Variants in CILK1 observed in about 807,000 individuals in gnomAD.
CILK1 encodes serine/threonine-protein kinase ICK.
A neutral mutation model predicts 79.2 loss-of-function variants in CILK1; 47 were observed. The ratio of observed to expected loss-of-function variants is 0.59; its 90% CI spans 0.47 to 0.76. The LOEUF (loss-of-function observed/expected upper bound fraction) is 0.76, where lower values mean the gene tolerates loss of function less well. CILK1 is among the 30% of genes least tolerant of loss of function. CILK1 has a pLI of 0.00. For synonymous variants in CILK1, 266 were observed against 275.9 expected (o/e 0.96, Z 0.36); for missense variants, 660 against 769.5 (o/e 0.86, Z 1.68).
intron 3 of CILK1, among the ~76,000 whole-genome samples, chr6:53,035,300 A>C (rs1174441562): frequency 1.3e-5 from 2 of 152,050 alleles, no homozygotes; most frequent in Non-Finnish European, 2.9e-5. Context: ...TTATAGACTA[A>C]AAAGAATGAG....
chr6:53,020,091 G>A (rs1327703531), intron 5 of CILK1, among the ~76,000 whole-genome samples: 1 of 152,126 alleles, frequency 6.6e-6, no homozygotes, highest in Non-Finnish European at 1.5e-5. Context: ...GGTGTATGTT[G>A]CAACATATGT....
Position 53,038,573 on chromosome 6 carries a change from C to T in CILK1, c.102-580G>A, listed in dbSNP as rs557613286. Among the ~76,000 whole-genome samples, 6 of 152,294 alleles carry T rather than the reference C, an allele frequency of 3.9e-5. No homozygotes were observed. The East Asian group carries it at 1.2e-3, about 29-fold the overall frequency. ...CACCACCATCTGTTTCTGTACAGCC[C>T]ACGAGCTAAGAATGGCATTTACCTT... On this transcript the variant is annotated intron_variant, in intron 2 of 13. Transcript: ENST00000676107.
intron 5 of CILK1, among the ~76,000 whole-genome samples, chr6:53,019,690 G>A (rs941193899): frequency 6.6e-6 from 1 of 151,974 alleles, no homozygotes; most frequent in Non-Finnish European, 1.5e-5. Flanking sequence ...TATCACTGAC[G>A]GCATCTCATT....
intron 12 of CILK1, among the ~76,000 whole-genome samples, chr6:53,008,983 T>C (rs373542057): frequency 1.3e-5 from 2 of 151,920 alleles, no homozygotes; most frequent in East Asian, 3.9e-4. Flanking sequence ...ACAAAAAAAG[T>C]GGGGAGGGTC....
Position 53,003,830 on chromosome 6 carries a change from G to A in CILK1, c.*1319C>T, listed in dbSNP as rs1764067479. 1 of 152,642 alleles carries A rather than the reference G, an allele frequency of 6.6e-6. No homozygotes were observed. The highest frequency in any genetic ancestry group is 2.4e-5 in the African/African-American group (1 of 41,448). 9.5% of individuals were successfully genotyped at this position (152,642 alleles called of 1,614,324 possible). ...CTAGGAGAATATGAATCAATACACT[G>A]TTGAGATTGCATTGCGTTCACTGAT... On this transcript the variant is annotated 3_prime_UTR_variant, in exon 14 of 14. Transcript: ENST00000676107.
intron 5 of CILK1, among the ~76,000 whole-genome samples, chr6:53,023,165 C>A (rs991798540): frequency 1.3e-5 from 2 of 152,086 alleles, no homozygotes. Flanking sequence ...GATCCCCTGA[C>A]CTCATGATCC....
rs919057285 is a variant in CILK1 at position 53,012,080 on chromosome 6, C to G, written c.1300G>C (p.Asp434His). 1 of 1,614,038 alleles carries G rather than the reference C, an allele frequency of 6.2e-7. No individual in the cohort carries two copies. The highest frequency in any genetic ancestry group is 8.5e-7 in the Non-Finnish European group (1 of 1,180,034). Residue 434 changes from aspartate (D) to histidine (H), a missense_variant, in exon 10 of 14, where the codon GAC (aspartate) becomes CAC (histidine). Transcript: ENST00000676107. ...LDFSPSLSRI[D>H]LKNKKRQSDD... ...CTCTGTCTTTTCTTGTTTTTCAGGT[C>G]AATCCTGCTGAGGGATGGACTGAAA...
intron 9 of CILK1, 65 bp from the exon 10 acceptor site, chr6:53,012,292 T>A: frequency 6.8e-7 from 1 of 1,465,902 alleles, no homozygotes; most frequent in Non-Finnish European, 9.5e-7. Flanking sequence ...CCATGAGTAA[T>A]CTCCATCTGA....
intron 6 of CILK1, among the ~76,000 whole-genome samples, chr6:53,018,869 C>A (rs1581697955): frequency 1.3e-5 from 2 of 152,284 alleles, no homozygotes; most frequent in South Asian, 4.1e-4. Flanking sequence ...TTGGTCATGG[C>A]AAACTGCTTA....
intron 12 of CILK1, among the ~76,000 whole-genome samples, chr6:53,006,764 C>CT (rs1424002075): frequency 6.6e-6 from 1 of 152,086 alleles, no homozygotes; most frequent in East Asian, 1.9e-4. Context: ...CTAAAATTTG[C>CT]TTTTTTCACT....
intron 1 of CILK1, among the ~76,000 whole-genome samples, chr6:53,051,313 C>T (rs189723194): frequency 2.7e-4 from 41 of 152,254 alleles, no homozygotes; most frequent in African/African-American, 9.6e-4. Flanking sequence ...ATATTAATTT[C>T]CCACAGCTGC....
At chr6:53,026,180 T>C (rs1165006588) in intron 5 of CILK1, among the ~76,000 whole-genome samples, 1 of 152,166 alleles carries the variant, frequency 6.6e-6, no homozygotes, top group Non-Finnish European at 1.5e-5. Flanking sequence ...TTTGTTTTGT[T>C]TTGAGACAGA....
At chr6:53,055,866 A>C (rs1357818699) in intron 1 of CILK1, among the ~76,000 whole-genome samples, 1 of 152,116 alleles carries the variant, frequency 6.6e-6, no homozygotes, top group African/African-American at 2.4e-5. Context: ...AATGTTAAAA[A>C]AAATAAAAAA....
At chr6:53,028,657 TGTTGA>T (rs1407186389) in intron 5 of CILK1, among the ~76,000 whole-genome samples, 1 of 152,234 alleles carries the variant, frequency 6.6e-6, no homozygotes, top group Non-Finnish European at 1.5e-5. Context: ...ATGGCAATGG[TGTTGA>T]GGCTATAAAA....
At chr6:53,017,821 T>G (rs369039467) in intron 7 of CILK1, among the ~76,000 whole-genome samples, 1 of 152,086 alleles carries the variant, frequency 6.6e-6, no homozygotes, top group East Asian at 1.9e-4. Context: ...AAGGTAAAGC[T>G]GAAATTCAGC....
chr6:53,018,777 G>C (rs1484356347), intron 6 of CILK1, among the ~76,000 whole-genome samples: 1 of 152,120 alleles, frequency 6.6e-6, no homozygotes. Context: ...TAGGAAAAAA[G>C]AGAGAAAAGA....
At chr6:53,032,457 A>T (rs1766031382) in intron 4 of CILK1, 76 bp downstream of exon 4, 1 of 976,508 alleles carries the variant, frequency 1.0e-6, no homozygotes, top group Non-Finnish European at 1.4e-6. Flanking sequence ...AGAGAAAGAA[A>T]ACACAAAAGC....
In CILK1 at chr6:53,004,254, C is replaced by G. The variant is rs1324462562; in HGVS notation, c.*895G>C. 2 of 152,394 alleles carry G rather than the reference C, an allele frequency of 1.3e-5. No individual in the cohort carries two copies. The highest frequency in any genetic ancestry group is 1.3e-4 in the Admixed American group (2 of 15,272). 9.4% of individuals were successfully genotyped at this position (152,394 alleles called of 1,614,324 possible). On this transcript the variant is annotated 3_prime_UTR_variant, in exon 14 of 14. Transcript: ENST00000676107. ...TACTATAATCAAAAACCTTCTGCTG[C>G]TTTGATACTTAGTTTTTTGGCCATG...
chr6:53,004,948 C>T lies in CILK1; in HGVS notation c.*201G>A. On this transcript the variant is annotated 3_prime_UTR_variant, in exon 14 of 14. Transcript: ENST00000676107. ...AGTTTTAGAATAAAATAATTTTATA[C>T]AAAAAAGCCTACTGCATTCAAATCA... 1.9e-6 allele frequency: 1 copy of T among 520,038 alleles called. No homozygotes were observed. The highest frequency in any genetic ancestry group is 3.0e-5 in the South Asian group (1 of 33,674). 32.2% of individuals were successfully genotyped at this position (520,038 alleles called of 1,614,324 possible). A position where few individuals can be genotyped will look rare whatever the true frequency, so the allele number is the denominator to read the frequency against.
Sources: allele counts gnomAD v4.1 joint callset (sites outside exome capture counted in the v4.1 genomes callset), GRCh38; gene constraint gnomAD v4.1.1; transcripts MANE v1.5; gene names NCBI Gene and HGNC (gene_info 2026-07-23, HGNC 2026-07-21).